Variants in INVS observed in about 807,000 individuals in gnomAD.
The protein encoded by INVS is inversion of embryo turning homolog.
A neutral mutation model predicts 108.8 loss-of-function variants in INVS; 86 were observed. The ratio of observed to expected loss-of-function variants is 0.79; its 90% confidence interval spans 0.66 to 0.95. The LOEUF is 0.95. Ranked by LOEUF, INVS falls within the 40% of genes least tolerant of loss-of-function variation. The pLI, the probability that INVS is intolerant of heterozygous loss-of-function variation, is 0.00. For missense variants in INVS, 1,169 were observed against 1,297.4 expected (o/e 0.90, Z 1.52); for synonymous variants, 455 against 473.5 (o/e 0.96, Z 0.51).
intron 3 of INVS, among the ~76,000 whole-genome samples, chr9:100,170,594 G>T (rs753007976): frequency 6.6e-6 from 1 of 151,814 alleles, no homozygotes; most frequent in Non-Finnish European, 1.5e-5. Context: ...AAAGGAAATG[G>T]TAAGATCAGA....
intron 10 of INVS, among the ~76,000 whole-genome samples, chr9:100,254,016 G>C (rs1439092996): frequency 6.6e-6 from 1 of 152,118 alleles, no homozygotes; most frequent in Non-Finnish European, 1.5e-5. Flanking sequence ...GGTTGAACTA[G>C]TTTACAGTCC....
At chr9:100,229,882 A>T in intron 5 of INVS, 55 bp downstream of exon 5, 2 of 1,504,828 alleles carry the variant, frequency 1.3e-6, no homozygotes, top group Non-Finnish European at 1.8e-6. Flanking sequence ...TTTATTATGA[A>T]TTATTTAATA....
chr9:100,189,180 G>T (rs1343734561), intron 3 of INVS, among the ~76,000 whole-genome samples: 4 of 140,348 alleles, frequency 2.9e-5, no homozygotes, highest in Non-Finnish European at 4.5e-5. Context: ...AAAAACACAG[G>T]TTTTTGTTTC....
intron 7 of INVS, among the ~76,000 whole-genome samples, chr9:100,246,349 A>G (rs1832047794): frequency 6.6e-6 from 1 of 152,092 alleles, no homozygotes; most frequent in African/African-American, 2.4e-5. Context: ...GAAGATGATT[A>G]TTTTCCATTT....
intron 3 of INVS, among the ~76,000 whole-genome samples, chr9:100,197,813 C>A (rs1363439109): frequency 6.6e-6 from 1 of 152,114 alleles, no homozygotes; most frequent in Non-Finnish European, 1.5e-5. Context: ...TACAGTCAGA[C>A]AAGGTAGGTC....
intron 3 of INVS, among the ~76,000 whole-genome samples, chr9:100,170,753 CT>C (rs1564142797): frequency 6.6e-6 from 1 of 151,972 alleles, no homozygotes; most frequent in African/African-American, 2.4e-5. Context: ...TTTGTAACTC[CT>C]TATAATCCTT....
At chr9:100,134,972 T>C (rs763070539) in intron 3 of INVS, among the ~76,000 whole-genome samples, 1 of 152,108 alleles carries the variant, frequency 6.6e-6, no homozygotes, top group Non-Finnish European at 1.5e-5. Flanking sequence ...GAAAAACTAA[T>C]CTATGGTGAG....
intron 5 of INVS, among the ~76,000 whole-genome samples, chr9:100,231,844 T>C (rs1208060592): frequency 6.6e-6 from 1 of 152,220 alleles, no homozygotes; most frequent in African/African-American, 2.4e-5. Context: ...AGTAGAATGA[T>C]TTATAATCCT....
At chr9:100,168,492 C>T (rs1433227889) in intron 3 of INVS, among the ~76,000 whole-genome samples, 1 of 152,144 alleles carries the variant, frequency 6.6e-6, no homozygotes, top group African/African-American at 2.4e-5. Flanking sequence ...AGAGCAGCCT[C>T]GACAGGGAAG....
At chr9:100,264,526 G>C (rs771315634) in intron 10 of INVS, among the ~76,000 whole-genome samples, 10 of 151,806 alleles carry the variant, frequency 6.6e-5, no homozygotes, top group Non-Finnish European at 1.2e-4. Flanking sequence ...GCTGAGGCAG[G>C]AGAATTGCTT....
chr9:100,149,081 C>T (rs886470626), intron 3 of INVS, among the ~76,000 whole-genome samples: 10 of 150,736 alleles, frequency 6.6e-5, no homozygotes, highest in Admixed American at 6.6e-5. Flanking sequence ...TGTGCCATTA[C>T]TCATACCTTT....
chr9:100,175,361 C>T, intron 3 of INVS: 1 of 768,366 alleles, frequency 1.3e-6, no homozygotes, highest in Non-Finnish European at 2.4e-6. Flanking sequence ...GTCCCAAAGG[C>T]AGACAACTCA....
intron 15 of INVS, 72 bp downstream of exon 15, chr9:100,297,218 T>C: frequency 1.7e-6 from 2 of 1,147,796 alleles, no homozygotes; most frequent in Non-Finnish European, 2.6e-6. Context: ...TGAAGTAGAA[T>C]TTAATTACAT....
At chr9:100,233,575 A>T (rs1831583141) in intron 5 of INVS, among the ~76,000 whole-genome samples, 2 of 152,192 alleles carry the variant, frequency 1.3e-5, no homozygotes, top group Admixed American at 6.5e-5. Context: ...TGGTTTTAGC[A>T]TGAAGCGGTG....
intron 11 of INVS, among the ~76,000 whole-genome samples, chr9:100,270,292 T>A (rs1035038841): frequency 1.3e-5 from 2 of 152,200 alleles, no homozygotes; most frequent in African/African-American, 2.4e-5. Flanking sequence ...ATTTTTTATG[T>A]TTCCAAAATT....
chr9:100,178,861 A>T (rs1293558093), intron 3 of INVS, among the ~76,000 whole-genome samples: 1 of 152,206 alleles, frequency 6.6e-6, no homozygotes, highest in Non-Finnish European at 1.5e-5. Flanking sequence ...AGTGAAATGA[A>T]GGGAAAAATG....
chr9:100,175,799 C>CA, intron 3 of INVS: 1 of 663,766 alleles, frequency 1.5e-6, no homozygotes, highest in South Asian at 1.4e-5. Context: ...ACAGCCATTC[C>CA]TGAACACTCA....
At chr9:100,139,583 T>C (rs1190262265) in intron 3 of INVS, among the ~76,000 whole-genome samples, 2 of 152,226 alleles carry the variant, frequency 1.3e-5, no homozygotes, top group Admixed American at 6.5e-5. Context: ...CTGTAATCAG[T>C]CCCGTCATCT....
At position 100,253,141 on chromosome 9, in the gene INVS, A is replaced by G; in HGVS notation, c.1464+5A>G. Reference sequence around the variant, plus strand: ...CCTAACATTCAAGACAAAGAGGTAGAAATTCTGTCTTTTCTATATTGTTTG... The same window carrying G: ...CCTAACATTCAAGACAAAGAGGTAGGAATTCTGTCTTTTCTATATTGTTTG... On this transcript the variant is annotated splice_donor_5th_base_variant and intron_variant, in intron 10 of 16. Coordinates refer to ENST00000262457, the MANE Select transcript of INVS (RefSeq NM_014425.5). 1 of 1,602,588 alleles carries G rather than the reference A, an allele frequency of 6.2e-7. No individual in the cohort carries two copies. Among genetic ancestry groups the G allele is most frequent in the East Asian group, 2.2e-5 (1 of 44,804 alleles).
Sources: allele counts gnomAD v4.1 joint callset (sites outside exome capture counted in the v4.1 genomes callset), GRCh38; gene constraint gnomAD v4.1.1; transcripts MANE v1.5; gene names NCBI Gene and HGNC (gene_info 2026-07-23, HGNC 2026-07-21).